RAB34: variants seen among roughly 807,000 people sequenced by gnomAD.
RAB34 encodes RAB34, member RAS oncogene family, also known as ras-related protein Rab-34.
A neutral mutation model predicts 39.0 loss-of-function variants in RAB34; 33 were observed. The ratio of observed to expected loss-of-function variants is 0.85; its 90% CI spans 0.64 to 1.13. The LOEUF is 1.13. RAB34 is among the 50% of genes most tolerant of loss of function. The pLI is 0.00. For missense variants in RAB34, 289 were observed against 326.1 expected (o/e 0.89, Z 0.88); for synonymous variants, 135 against 125.1 (o/e 1.08, Z -0.53).
At chr17:28,717,032 T>C (rs2151709526) in intron 1 of RAB34, 38 bp from the exon 2 acceptor site, 2 of 1,606,094 alleles carry the variant, frequency 1.2e-6, no homozygotes, top group East Asian at 4.5e-5. Context: ...AGCTTCCTAC[T>C]CCTGGCCCTT....
rs912600868 is a variant in RAB34, at chr17:28,717,103, C to A, written c.55-109G>T. Reference sequence around the variant, plus strand: ...GCAGGGACCACCCAGAAGCACCAGGCCTAGCTGGGTGGCAGGGCTGGGCCC... The same window carrying A: ...GCAGGGACCACCCAGAAGCACCAGGACTAGCTGGGTGGCAGGGCTGGGCCC... On this transcript the variant is annotated intron_variant, in intron 1 of 9. Transcript: ENST00000395245. 3 of 1,545,664 alleles carry A rather than the reference C, an allele frequency of 1.9e-6. No individual in the cohort carries two copies. The Admixed American group carries it at 5.7e-5, about 29-fold the overall frequency.
rs1165635786 is a variant in RAB34 at position 28,716,071 on chromosome 17, AGAGTGGGCAAGGG to A, written c.147-26_147-14del. 2 of 1,613,726 alleles carry A rather than the reference AGAGTGGGCAAGGG, an allele frequency of 1.2e-6. No individual in the cohort carries two copies. The highest frequency in any genetic ancestry group is 4.5e-5 in the East Asian group (2 of 44,888). On this transcript the variant is annotated splice_polypyrimidine_tract_variant and intron_variant, in intron 2 of 9. Coordinates refer to ENST00000395245, the MANE Select transcript of RAB34 (RefSeq NM_031934.6). ...GGAGATCTTAAATCTGCTGGACACA[AGAGTGGGCAAGGG>A]GAGTGGGCACGAGCTCTTTCACCCT...
Position 28,717,623 on chromosome 17 carries a change from A to C in RAB34, c.-357T>G. Reference sequence around the variant, plus strand: ...GATTACGCGGGGCCGGATAGTTCCTACGATTACGCGGGGCCGGATGGTTCC... The same window carrying C: ...GATTACGCGGGGCCGGATAGTTCCTCCGATTACGCGGGGCCGGATGGTTCC... On this transcript the variant is annotated 5_prime_UTR_variant, in exon 1 of 10. Coordinates refer to ENST00000395245, the MANE Select transcript of RAB34 (RefSeq NM_031934.6). 7.2e-7 allele frequency: 1 copy of C among 1,385,052 alleles called. No homozygotes were observed. The highest frequency in any genetic ancestry group is 9.3e-7 in the Non-Finnish European group (1 of 1,074,602). 85.8% of individuals were successfully genotyped at this position (1,385,052 alleles called of 1,614,324 possible).
At chr17:28,717,939 G>T, upstream of RAB34, 3 of 1,206,606 alleles carry the variant, frequency 2.5e-6, no homozygotes, top group South Asian at 2.1e-5. Context: ...AGGCCTCGCT[G>T]CCCGCCCTCG....
In RAB34 at chr17:28,715,325, T is replaced by G. The variant is rs1327355845; in HGVS notation, c.432-49A>C. The G allele has an allele frequency of 4.3e-5, 68 of 1,591,706 alleles. 1 individual carries two copies. The highest frequency in any genetic ancestry group is 5.7e-5 in the Non-Finnish European group (67 of 1,165,306). On this transcript the variant is annotated intron_variant, in intron 6 of 9. Coordinates refer to ENST00000395245, the MANE Select transcript of RAB34 (RefSeq NM_031934.6). Reference sequence around the variant, plus strand: ...GGGATGAGTGAGTCTGCAGGGCCCCTCCCACTGACATTCATAGGCCCAATT... The same window carrying G: ...GGGATGAGTGAGTCTGCAGGGCCCCGCCCACTGACATTCATAGGCCCAATT...
Position 28,716,885 on chromosome 17 carries a change from TG to T in RAB34, c.146+17del. The T allele has an allele frequency of 6.2e-7, 1 of 1,605,852 alleles. No individual in the cohort carries two copies. Among genetic ancestry groups the T allele is most frequent in the Non-Finnish European group, 8.5e-7 (1 of 1,175,830 alleles). On this transcript the variant is annotated intron_variant, in intron 2 of 9. Transcript: ENST00000395245. ...TTCCTGGGACCTCCTCTCTTTGTTG[TG>T]GGTGTCCCTAACTCACCCCACGGTG...
intron 2 of RAB34, chr17:28,716,490 AG>A (rs1297545591): frequency 3.9e-6 from 1 of 255,460 alleles, no homozygotes. Context: ...TAAAGATGAT[AG>A]TACCCAACAC....
In RAB34 at chr17:28,717,742, C is replaced by A; in HGVS notation, c.-476G>T. The A allele has an allele frequency of 7.5e-7, 1 of 1,328,742 alleles. No individual in the cohort carries two copies. 82.3% of individuals were successfully genotyped at this position (1,328,742 alleles called of 1,614,324 possible). A position where few individuals can be genotyped will look rare whatever the true frequency, so the allele number is the denominator to read the frequency against. On this transcript the variant is annotated 5_prime_UTR_variant, in exon 1 of 10. Coordinates refer to ENST00000395245, the MANE Select transcript of RAB34 (RefSeq NM_031934.6). ...GGCCCGGGGGCGCGGAGCGGCCCCG[C>A]CACACGGGGTCAGTGTGGGCAGGGG...
chr17:28,718,232 T>G (rs1410038256), upstream of RAB34: 1 of 1,580,844 alleles, frequency 6.3e-7, no homozygotes, highest in Non-Finnish European at 8.6e-7. Context: ...GAGGCGGCGC[T>G]TCCCTCCTCA....
rs999165231 is a variant in RAB34 at position 28,714,812 on chromosome 17, T to C, written c.693A>G (p.Arg231=). The C allele has an allele frequency of 1.9e-6, 3 of 1,613,902 alleles. No homozygotes were observed. In the African/African-American group the frequency reaches 4.0e-5, roughly 22 times the overall value. Residue 231 remains arginine, a synonymous_variant, in exon 9 of 10, where the codon CGA becomes CGG. Transcript: ENST00000395245. ...VLAELEKSGA[R]RIGDVVRINS... ...ACTCACGGACAACATCCCCAATGCG[T>C]CGAGCCCCCGATTTCTCCAGCTCAG...
At chr17:28,716,084 G>A in intron 2 of RAB34, 26 bp from the exon 3 acceptor site, 2 of 1,613,400 alleles carry the variant, frequency 1.2e-6, no homozygotes, top group Non-Finnish European at 1.7e-6. Flanking sequence ...GTGGGCAAGG[G>A]GAGTGGGCAC....
Position 28,715,471 on chromosome 17 carries a change from G to C in RAB34, c.416C>G (p.Ser139Cys), listed in dbSNP as rs1423512589. The C allele has an allele frequency of 6.2e-7, 1 of 1,614,026 alleles. No homozygotes were observed. The highest frequency in any genetic ancestry group is 1.1e-5 in the South Asian group (1 of 91,084). ...IIVFNLNDVA[S>C]LEHTKQWLAD... ...GCTCACTTACTTGGTATGTTCCAGA[G>C]ATGCCACATCATTCAGGTTGAAGAC... Residue 139 changes from serine to cysteine, a missense_variant, in exon 6 of 10, where the codon TCT becomes TGT. Transcript: ENST00000395245.
In RAB34 at chr17:28,717,613, G is replaced by A; in HGVS notation, c.-347C>T. Reference sequence around the variant, plus strand: ...CAGACCCTACGATTACGCGGGGCCGGATAGTTCCTACGATTACGCGGGGCC... The same window carrying A: ...CAGACCCTACGATTACGCGGGGCCGAATAGTTCCTACGATTACGCGGGGCC... On this transcript the variant is annotated 5_prime_UTR_variant, in exon 1 of 10. Coordinates refer to ENST00000395245, the MANE Select transcript of RAB34 (RefSeq NM_031934.6). 9.3e-6 allele frequency: 13 copies of A among 1,396,268 alleles called. No individual in the cohort carries two copies. Among genetic ancestry groups the A allele is most frequent in the Non-Finnish European group, 1.1e-5 (12 of 1,080,386 alleles). The allele number at this position is 1,396,268 out of a possible 1,614,324, so 86.5% of individuals were successfully genotyped here. A position where few individuals can be genotyped will look rare whatever the true frequency, so the allele number is the denominator to read the frequency against.
intron 2 of RAB34, chr17:28,716,309 T>A (rs1013669287): frequency 5.6e-6 from 3 of 538,890 alleles, no homozygotes; most frequent in Non-Finnish European, 9.9e-6. Flanking sequence ...GACACGTTAT[T>A]TAGCCTCTCT....
rs751575776 is a variant in RAB34, at chr17:28,715,596, T to C, written c.379+45A>G. On this transcript the variant is annotated intron_variant, in intron 5 of 9. Coordinates refer to ENST00000395245, the MANE Select transcript of RAB34 (RefSeq NM_031934.6). ...CCTTCCAGCTCCATATGAGAAGCCA[T>C]GTGCACTCTGAGACCCACCTACCCC... 15 of 1,614,018 alleles carry C rather than the reference T, an allele frequency of 9.3e-6. No homozygotes were observed. The South Asian group carries it at 1.6e-4, about 18-fold the overall frequency.
In RAB34 at chr17:28,715,014, C is replaced by G. The variant is rs1301583368; in HGVS notation, c.604+18G>C. The stretch of plus-strand genomic sequence containing the variant: ...CAGGCAAGAGTGTCACAGCAGAGCC[C>G]TAAAGCCTCCAACTCACCAGTGAGA... On this transcript the variant is annotated intron_variant, in intron 8 of 9. Coordinates refer to ENST00000395245, the MANE Select transcript of RAB34 (RefSeq NM_031934.6). 6.2e-7 allele frequency: 1 copy of G among 1,612,512 alleles called. No individual in the cohort carries two copies. The highest frequency in any genetic ancestry group is 8.5e-7 in the Non-Finnish European group (1 of 1,178,758).
At position 28,715,632 on chromosome 17, in the gene RAB34, G is replaced by GC. The variant is rs1452626814; in HGVS notation, c.379+8dup. The GC allele has an allele frequency of 6.2e-7, 1 of 1,613,932 alleles. No individual in the cohort carries two copies. Among genetic ancestry groups the GC allele is most frequent in the Non-Finnish European group, 8.5e-7 (1 of 1,180,016 alleles). On this transcript the variant is annotated intron_variant, in intron 5 of 9. Transcript: ENST00000395245. ...AGACCCACCTACCCCACTTCACCCA[G>GC]CCCCTTACCTTGAGCTCCTCTATAG... is the stretch of plus-strand genomic sequence containing the variant.
In RAB34 at chr17:28,717,538, G is replaced by T. The variant is rs2033727824; in HGVS notation, c.-272C>A. On this transcript the variant is annotated 5_prime_UTR_variant, in exon 1 of 10. Coordinates refer to ENST00000395245, the MANE Select transcript of RAB34 (RefSeq NM_031934.6). The stretch of plus-strand genomic sequence containing the variant: ...TGACTCTGGGGCGAGGAGACTCTTC[G>T]GCCGCCAATTGGGGGCGGGGAGTCC... 1 of 1,420,134 alleles carries T rather than the reference G, an allele frequency of 7.0e-7. No individual in the cohort carries two copies. The highest frequency in any genetic ancestry group is 9.2e-7 in the Non-Finnish European group (1 of 1,090,540). 88.0% of individuals were successfully genotyped at this position (1,420,134 alleles called of 1,614,324 possible).
rs1464885662 is a variant in RAB34 at position 28,717,441 on chromosome 17, G to A, written c.-175C>T. 6.8e-7 allele frequency: 1 copy of A among 1,480,318 alleles called. No homozygotes were observed. The highest frequency in any genetic ancestry group is 9.0e-7 in the Non-Finnish European group (1 of 1,115,374). 91.7% of individuals were successfully genotyped at this position (1,480,318 alleles called of 1,614,324 possible). On this transcript the variant is annotated 5_prime_UTR_variant, in exon 1 of 10. Transcript: ENST00000395245. Reference sequence around the variant, plus strand: ...CTCGGAGACGCTACGACCACCGCGGGCCACGGAGATGAAACAATCACCCGG... The same window carrying A: ...CTCGGAGACGCTACGACCACCGCGGACCACGGAGATGAAACAATCACCCGG...
Sources: allele counts gnomAD v4.1 joint callset, GRCh38; gene constraint gnomAD v4.1.1; transcripts MANE v1.5; gene names NCBI Gene and HGNC (gene_info 2026-07-23, HGNC 2026-07-21).